The following ASXL3 variants were observed in gnomAD, a reference collection of about 807,000 sequenced individuals.
The protein encoded by ASXL3 is ASXL transcriptional regulator 3.
Under a neutral mutation model 170.6 loss-of-function variants are expected in ASXL3, and 34 were observed. The observed-to-expected ratio is 0.20, with a 90% CI of 0.15 to 0.27. The LOEUF is 0.27. ASXL3 is among the 10% of genes least tolerant of loss of function. ASXL3 has a pLI of 1.00. For missense variants in ASXL3, 2,592 were observed against 2,695.3 expected (o/e 0.96, Z 0.85); for synonymous variants, 1,002 against 989.1 (o/e 1.01, Z -0.24).
Position 33,739,403 on chromosome 18 carries a change from T to C in ASXL3, c.1999T>C (p.Ser667Pro). The C allele has an allele frequency of 6.2e-7, 1 of 1,613,744 alleles. No homozygotes were observed. The highest frequency in any genetic ancestry group is 1.1e-5 in the South Asian group (1 of 91,070). Residue 667 changes from serine to proline, a missense_variant, in exon 11 of 12, where the codon TCC becomes CCC. By Grantham distance (74) the Ser-to-Pro change is moderately conservative. This residue lies in a region of ASXL3 where 2,246 missense variants were observed against 2,219.6 expected (regional missense o/e 1.01). Coordinates refer to ENST00000269197, the MANE Select transcript of ASXL3 (RefSeq NM_030632.3). ...TACAGACAAATACAACCAGAGAAAT[T>C]CCACTGATGAAAACTTTCATGCATC... ...ENTDKYNQRN[S>P]TDENFHASLM...
intron 8 of ASXL3, among the ~76,000 whole-genome samples, chr18:33,717,673 G>C (rs766418133): frequency 3.2e-4 from 49 of 152,086 alleles, no homozygotes; most frequent in Admixed American, 5.9e-4. Context: ...GGAATGTCTT[G>C]AATACATCAG....
chr18:33,646,390 C>T (rs770888445), intron 4 of ASXL3, 37 bp downstream of exon 4: 2 of 1,446,064 alleles, frequency 1.4e-6, no homozygotes, highest in Admixed American at 3.6e-5. Context: ...ATCCCTTGTT[C>T]TCTTAAAAGT....
At chr18:33,703,333 A>G (rs995961749) in intron 8 of ASXL3, among the ~76,000 whole-genome samples, 1 of 152,124 alleles carries the variant, frequency 6.6e-6, no homozygotes, top group Non-Finnish European at 1.5e-5. Flanking sequence ...GGATGGGGAC[A>G]GAAGTAACAT....
intron 7 of ASXL3, among the ~76,000 whole-genome samples, chr18:33,674,861 A>G (rs1599478496): frequency 6.6e-6 from 1 of 151,934 alleles, no homozygotes; most frequent in Non-Finnish European, 1.5e-5. Flanking sequence ...CTCATGATCC[A>G]CCTGCCTCGG....
chr18:33,595,221 T>C (rs183881865), intron 1 of ASXL3, among the ~76,000 whole-genome samples: 81 of 152,312 alleles, frequency 5.3e-4, no homozygotes, highest in African/African-American at 1.9e-3. Context: ...TGGACTCCCA[T>C]TGTTGTAAAA....
chr18:33,713,819 G>A (rs532906781), intron 8 of ASXL3, among the ~76,000 whole-genome samples: 41 of 152,214 alleles, frequency 2.7e-4, no homozygotes, highest in Non-Finnish European at 4.7e-4. Context: ...ATAATTTTCC[G>A]TGAACAACCG....
chr18:33,581,619 G>A (rs548742691), intron 1 of ASXL3, among the ~76,000 whole-genome samples: 1 of 152,186 alleles, frequency 6.6e-6, no homozygotes, highest in East Asian at 1.9e-4. Flanking sequence ...AATATATGTG[G>A]AAGAAGAATC....
chr18:33,740,340 G>A lies in ASXL3; in HGVS notation c.2936G>A (p.Arg979Lys). The A allele has an allele frequency of 6.2e-7, 1 of 1,611,262 alleles. No homozygotes were observed. ...AGCTTTGGAATCTGTAAGGAAAAGA[G>A]AGCTAGGATAGAAGATGATCAGTCA... ...QHSFGICKEK[R>K]ARIEDDQSTR... Residue 979 changes from arginine to lysine, a missense_variant, in exon 11 of 12, where the codon AGA becomes AAA. Arg to Lys is a conservative substitution (Grantham distance 26). Coordinates refer to ENST00000269197, the MANE Select transcript of ASXL3 (RefSeq NM_030632.3).
chr18:33,671,519 C>T lies in ASXL3; in HGVS notation c.596-228C>T, dbSNP rs190059863. ...TTTTAAAAGCTATCAGATCAATGAA[C>T]GTAGTTTTGACTCCACTATTAGGCC... On this transcript the variant is annotated intron_variant, in intron 6 of 11. Coordinates refer to ENST00000269197, the MANE Select transcript of ASXL3 (RefSeq NM_030632.3). 2.7e-3 allele frequency among the ~76,000 whole-genome samples: 417 copies of T among 152,206 alleles called. 9 individuals carry two copies. The highest frequency in any genetic ancestry group is 6.6e-4 in the Non-Finnish European group (45 of 68,000).
In ASXL3 at chr18:33,721,940, A is replaced by G. The variant is rs143153099; in HGVS notation, c.880-10028A>G. On this transcript the variant is annotated intron_variant, in intron 8 of 11. Transcript: ENST00000269197. ...TCATAATATTTCAAGCATTTTTATT[A>G]TAATATATTTCATTATTAAAATATG... is the stretch of plus-strand genomic sequence containing the variant. Among the ~76,000 whole-genome samples the G allele has an allele frequency of 4.1e-4, 62 of 152,068 alleles. No individual in the cohort carries two copies. In the East Asian group the frequency reaches 0.01, roughly 25 times the overall value.
intron 8 of ASXL3, among the ~76,000 whole-genome samples, chr18:33,724,428 T>C (rs1051554245): frequency 5.9e-5 from 9 of 152,090 alleles, no homozygotes; most frequent in Non-Finnish European, 1.2e-4. Context: ...TAGAAACTTA[T>C]ATTCATTTGT....
chr18:33,686,256 C>T (rs888252660), intron 8 of ASXL3, among the ~76,000 whole-genome samples: 1 of 152,104 alleles, frequency 6.6e-6, no homozygotes, highest in African/African-American at 2.4e-5. Context: ...GTGGAGGATA[C>T]AAGAATGAAT....
rs184831865 is a variant in ASXL3, at chr18:33,715,256, C to T, written c.880-16712C>T. On this transcript the variant is annotated intron_variant, in intron 8 of 11. Transcript: ENST00000269197. Reference sequence around the variant, plus strand: ...TGACCTTGTTGAAACTTCCCAAATTCCCTGTTCCTTCGAGAATCTTGTTCA... The same window carrying T: ...TGACCTTGTTGAAACTTCCCAAATTTCCTGTTCCTTCGAGAATCTTGTTCA... Among the ~76,000 whole-genome samples, 500 of 152,282 alleles carry T rather than the reference C, an allele frequency of 3.3e-3. 4 individuals carry two copies. Among genetic ancestry groups the T allele is most frequent in the African/African-American group, 0.011 (471 of 41,560 alleles).
In ASXL3 at chr18:33,714,014, A is replaced by G. The variant is rs79540695; in HGVS notation, c.880-17954A>G. On this transcript the variant is annotated intron_variant, in intron 8 of 11. Transcript: ENST00000269197. ...TCCATGGAGTCATTTGTATGGCATA[A>G]GAGGTGCTGGCAATTCCTGCTGGTG... 2.9e-3 allele frequency among the ~76,000 whole-genome samples: 445 copies of G among 152,270 alleles called. 3 individuals carry two copies. Among genetic ancestry groups the G allele is most frequent in the Non-Finnish European group, 4.6e-3 (313 of 68,026 alleles).
chr18:33,691,011 T>C (rs888511486), intron 8 of ASXL3, among the ~76,000 whole-genome samples: 4 of 152,142 alleles, frequency 2.6e-5, no homozygotes, highest in African/African-American at 9.7e-5. Context: ...TGATCATGGC[T>C]GTACCCCTCT....
At chr18:33,655,903 TCTC>T in intron 4 of ASXL3, among the ~76,000 whole-genome samples, 1 of 152,186 alleles carries the variant, frequency 6.6e-6, no homozygotes, top group East Asian at 1.9e-4. Context: ...CATCGGTAGT[TCTC>T]CTCAGGTAGA....
At chr18:33,616,906 G>A (rs140111149) in intron 2 of ASXL3, among the ~76,000 whole-genome samples, 11 of 152,154 alleles carry the variant, frequency 7.2e-5, no homozygotes, top group African/African-American at 2.6e-4. Context: ...TAATCACTTC[G>A]CTAGAGGGCC....
At position 33,739,582 on chromosome 18, in the gene ASXL3, A is replaced by G. The variant is rs1358074127; in HGVS notation, c.2178A>G (p.Ser726=). 6.2e-7 allele frequency: 1 copy of G among 1,614,024 alleles called. No homozygotes were observed. The highest frequency in any genetic ancestry group is 8.5e-7 in the Non-Finnish European group (1 of 1,179,890). ...TSPMSDLPLT[S]ETSSVSSMLL... ...CGATGTCTGACTTACCTTTAACATC[A>G]GAAACTTCTTCAGTGTCTTCCATGC... is the stretch of plus-strand genomic sequence containing the variant. Residue 726 remains serine, a synonymous_variant, in exon 11 of 12, where the codon TCA becomes TCG. Transcript: ENST00000269197.
chr18:33,699,063 T>C (rs1425523590), intron 8 of ASXL3, among the ~76,000 whole-genome samples: 1 of 152,036 alleles, frequency 6.6e-6, no homozygotes, highest in African/African-American at 2.4e-5. Context: ...TAACAGTATA[T>C]AGAAATGCTA....
Sources: allele counts gnomAD v4.1 joint callset (sites outside exome capture counted in the v4.1 genomes callset), GRCh38; gene constraint gnomAD v4.1.1; regional missense constraint gnomAD v4.1.1; transcripts MANE v1.5; gene names NCBI Gene and HGNC (gene_info 2026-07-23, HGNC 2026-07-21).